Variants in CCDC171 observed in about 807,000 individuals in gnomAD.
The protein encoded by CCDC171 is coiled-coil domain-containing protein 171.
CCDC171 carries 177 observed loss-of-function variants against 168.2 expected under a neutral mutation model. The observed-to-expected ratio is 1.05, with a 90% CI of 0.93 to 1.19. CCDC171 has a LOEUF of 1.19. Ranked by LOEUF, CCDC171 falls within the 50% of genes most tolerant of loss-of-function variation. CCDC171 has a pLI of 0.00. For synonymous variants in CCDC171, 687 were observed against 540.8 expected (o/e 1.27, Z -3.75); for missense variants, 1,991 against 1,539.0 (o/e 1.29, Z -4.91).
chr9:16,017,640 T>G (rs187026800), intron 3 of CCDC171, among the ~76,000 whole-genome samples: 1 of 152,222 alleles, frequency 6.6e-6, no homozygotes, highest in Admixed American at 6.5e-5. Context: ...GAATACTTGT[T>G]TTACTGCAAC....
intron 21 of CCDC171, among the ~76,000 whole-genome samples, chr9:15,844,575 C>CA (rs2060817922): frequency 6.6e-6 from 1 of 151,400 alleles, no homozygotes; most frequent in Non-Finnish European, 1.5e-5. Context: ...ATCTTTTTTC[C>CA]AAAAAAACTA....
intron 11 of CCDC171, among the ~76,000 whole-genome samples, chr9:15,704,112 C>G (rs1225431325): frequency 1.3e-5 from 2 of 152,172 alleles, no homozygotes; most frequent in African/African-American, 4.8e-5. Flanking sequence ...CTGTGAAGCA[C>G]TGTAGAATGA....
At chr9:15,909,993 A>G (rs1434344526) in intron 24 of CCDC171, among the ~76,000 whole-genome samples, 2 of 151,840 alleles carry the variant, frequency 1.3e-5, no homozygotes, top group Non-Finnish European at 2.9e-5. Context: ...CTGTTATTCC[A>G]CTCTGTACTT....
In CCDC171 at chr9:15,972,013, CT is replaced by C. The variant is rs1831410137; in HGVS notation, c.*183del. 1.9e-6 allele frequency: 1 copy of C among 525,608 alleles called. No individual in the cohort carries two copies. The highest frequency in any genetic ancestry group is 3.3e-6 in the Non-Finnish European group (1 of 300,268). 32.6% of individuals were successfully genotyped at this position (525,608 alleles called of 1,614,324 possible). The stretch of plus-strand genomic sequence containing the variant: ...TCTCCTTGAATAAGGAAATAGCCAA[CT>C]TTTTTCTCTCCAAGTTTTATTTGTT... On this transcript the variant is annotated 3_prime_UTR_variant, in exon 26 of 26. Transcript: ENST00000380701.
chr9:15,964,573 G>A (rs919715516), intron 25 of CCDC171, among the ~76,000 whole-genome samples: 1 of 152,012 alleles, frequency 6.6e-6, no homozygotes, highest in Non-Finnish European at 1.5e-5. Flanking sequence ...AAGCACAAGG[G>A]TATGAAGAAC....
At chr9:16,103,577 T>C in the CCDC171 span, among the ~76,000 whole-genome samples, 2 of 152,214 alleles carry the variant, frequency 1.3e-5, no homozygotes, top group Non-Finnish European at 2.9e-5. Context: ...TTGAGAAATG[T>C]CCTTGGTAGC....
chr9:15,556,981 C>A (rs903785292), intron 1 of CCDC171, among the ~76,000 whole-genome samples: 5 of 152,134 alleles, frequency 3.3e-5, no homozygotes, highest in African/African-American at 7.2e-5. Flanking sequence ...TTCCCAACAC[C>A]ATTTATTAAA....
At chr9:15,888,616 A>G (rs758074009) in intron 24 of CCDC171, among the ~76,000 whole-genome samples, 21 of 152,178 alleles carry the variant, frequency 1.4e-4, no homozygotes, top group Non-Finnish European at 2.4e-4. Flanking sequence ...TTGTTAAACA[A>G]TTTAGTAGAA....
intron 7 of CCDC171, 53 bp downstream of exon 7, chr9:15,623,466 C>CGCGCGCGCGCGCGCGT: frequency 1.4e-6 from 1 of 704,614 alleles, no homozygotes; most frequent in Non-Finnish European, 2.2e-6. Flanking sequence ...TTCACATATG[C>CGCGCGCGCGCGCGCGT]GCGCGCGCGC....
At chr9:15,603,561 A>T (rs1275738486) in intron 6 of CCDC171, among the ~76,000 whole-genome samples, 2 of 152,162 alleles carry the variant, frequency 1.3e-5, no homozygotes, top group Non-Finnish European at 2.9e-5. Flanking sequence ...AGCTCTATCC[A>T]TGTCCCTGCA....
At chr9:15,826,337 T>A (rs2891007) in intron 21 of CCDC171, among the ~76,000 whole-genome samples, 70,742 of 149,846 alleles carry the variant, frequency 0.47, 17,214 homozygotes, top group East Asian at 0.75. Context: ...TTTTTTTTTA[T>A]GCTGAAGGCC....
chr9:15,989,688 T>C (rs1242393761), intron 3 of CCDC171, among the ~76,000 whole-genome samples: 3 of 147,400 alleles, frequency 2.0e-5, no homozygotes, highest in Non-Finnish European at 4.4e-5. Flanking sequence ...AAAAAAAGAT[T>C]AGACAAATGG....
the CCDC171 span, among the ~76,000 whole-genome samples, chr9:16,068,008 A>T: frequency 6.6e-6 from 1 of 151,680 alleles, no homozygotes; most frequent in Admixed American, 6.6e-5. Flanking sequence ...GAAAAGGGGA[A>T]GTCAAATTGT....
chr9:15,656,321 C>CAAA (rs1163329115), intron 7 of CCDC171, among the ~76,000 whole-genome samples: 1 of 89,844 alleles, frequency 1.1e-5, no homozygotes, highest in Non-Finnish European at 2.4e-5. Context: ...GACTCCGTCT[C>CAAA]AAAAAAAAAA....
At chr9:15,848,825 T>C (rs2061007350) in intron 22 of CCDC171, 68 bp from the exon 23 acceptor site, 1 of 809,428 alleles carries the variant, frequency 1.2e-6, no homozygotes, top group Non-Finnish European at 2.0e-6. Context: ...CAGTGACTTA[T>C]ACTAAAATGT....
intron 9 of CCDC171, among the ~76,000 whole-genome samples, chr9:15,669,228 C>G (rs1439775343): frequency 6.6e-6 from 1 of 152,106 alleles, no homozygotes; most frequent in East Asian, 1.9e-4. Flanking sequence ...TTCCATAATT[C>G]TATAATCAAA....
At chr9:15,624,019 G>A (rs1425797488) in intron 7 of CCDC171, among the ~76,000 whole-genome samples, 2 of 152,092 alleles carry the variant, frequency 1.3e-5, no homozygotes, top group African/African-American at 2.4e-5. Flanking sequence ...AACAGATAAA[G>A]AAGTTTTGTC....
intron 13 of CCDC171, 57 bp downstream of exon 13, chr9:15,723,803 G>C: frequency 1.2e-6 from 1 of 838,916 alleles, no homozygotes; most frequent in East Asian, 3.0e-5. Context: ...AGTTATCTAG[G>C]GAATATTTTA....
At chr9:15,747,355 C>G (rs375508403) in intron 18 of CCDC171, among the ~76,000 whole-genome samples, 1 of 152,320 alleles carries the variant, frequency 6.6e-6, no homozygotes, top group East Asian at 1.9e-4. Flanking sequence ...TGCCTGACAG[C>G]TCTGAAGAGA....
Sources: gnomAD v4.1 joint callset for allele counts (sites outside exome capture counted in the v4.1 genomes callset) on GRCh38, gnomAD v4.1.1 for gene constraint, MANE v1.5 for transcripts, NCBI Gene and HGNC (gene_info 2026-07-23, HGNC 2026-07-21) for gene names.